The following TPO variants were observed in gnomAD, a reference collection of about 807,000 sequenced individuals.
TPO encodes the protein thyroid peroxidase.
Under a neutral mutation model 96.9 loss-of-function variants are expected in TPO, and 78 were observed. That is an observed-to-expected ratio of 0.81 (90% confidence interval 0.67 to 0.97). The LOEUF (loss-of-function observed/expected upper bound fraction) is 0.97. Ranked by LOEUF, TPO falls within the 50% of genes least tolerant of loss-of-function variation. The pLI, the probability that TPO is intolerant of heterozygous loss-of-function variation, is 0.00. For missense variants in TPO, 1,252 were observed against 1,274.8 expected, an observed-to-expected ratio of 0.98 and a Z score of 0.27; for synonymous variants, 547 against 538.0, an observed-to-expected ratio of 1.02 and a Z score of -0.23.
chr2:1,539,705 G>A (rs1680498857), intron 15 of TPO, among the ~76,000 whole-genome samples: 1 of 152,120 alleles, frequency 6.6e-6, no homozygotes, highest in South Asian at 2.1e-4. Context: ...ATTGTCTAAC[G>A]TTGCCGCGTT....
chr2:1,423,295 T>C (rs1663976845), intron 3 of TPO, among the ~76,000 whole-genome samples, 166 bp downstream of exon 3: 1 of 152,186 alleles, frequency 6.6e-6, no homozygotes, highest in South Asian at 2.1e-4. Flanking sequence ...ACAGAACTGG[T>C]ATTTAATCTC....
chr2:1,530,289 CCAGTGTGAGCAACCTCCTAAAATCCCCA>C (rs1677790257), intron 15 of TPO, among the ~76,000 whole-genome samples: 7 of 38,726 alleles, frequency 1.8e-4, no homozygotes, highest in African/African-American at 6.4e-4. Context: ...AAATCCCCCG[CCAGTGTGAGCAACCTCCTAAAATCCCCA>C]CACTGTGAGA....
At chr2:1,375,415 T>C (rs1214783531) in intron 1 of TPO, among the ~76,000 whole-genome samples, 2 of 152,036 alleles carry the variant, frequency 1.3e-5, no homozygotes, top group Non-Finnish European at 1.5e-5. Flanking sequence ...CAAGTCCCAG[T>C]GGGACCTGTG....
At chr2:1,512,091 T>G (rs950417323) in intron 14 of TPO, among the ~76,000 whole-genome samples, 5 of 152,204 alleles carry the variant, frequency 3.3e-5, no homozygotes, top group African/African-American at 4.8e-5. Flanking sequence ...TGGAGTGCAG[T>G]GGCGCGATCT....
Position 1,422,344 on chromosome 2 carries a change from C to CGACCTCGTGCAGGCGCCGCGCTGGACA in TPO, c.95-675_95-674insAGACCTCGTGCAGGCGCCGCGCTGGAC, listed in dbSNP as rs1663733153. The stretch of plus-strand genomic sequence containing the variant: ...CCTCGTGCAGGCGCCTCTCCTGGAC[C>CGACCTCGTGCAGGCGCCGCGCTGGACA]GACCTCGTGCAGGCGCCGCGCTGGA... On this transcript the variant is annotated intron_variant, in intron 2 of 16. Transcript: ENST00000329066. 2.8e-4 allele frequency among the ~76,000 whole-genome samples: 22 copies of CGACCTCGTGCAGGCGCCGCGCTGGACA among 77,618 alleles called. 1 individual carries two copies. The highest frequency in any genetic ancestry group is 3.3e-4 in the East Asian group (1 of 3,052). 50.9% of individuals were successfully genotyped at this position (77,618 alleles called of 152,430 possible). A position where few individuals can be genotyped will look rare whatever the true frequency, so the allele number is the denominator to read the frequency against.
At chr2:1,481,279 C>T (rs1670616103) in intron 8 of TPO, among the ~76,000 whole-genome samples, 1 of 152,136 alleles carries the variant, frequency 6.6e-6, no homozygotes, top group Non-Finnish European at 1.5e-5. Flanking sequence ...GAAAGGAAAC[C>T]CTTCCCAGCA....
chr2:1,427,446 G>A (rs1166561458), intron 3 of TPO, among the ~76,000 whole-genome samples: 1 of 152,224 alleles, frequency 6.6e-6, no homozygotes, highest in Non-Finnish European at 1.5e-5. Context: ...CTGGCCAGGT[G>A]TGGCTGGTAG....
rs1671710225 is a variant in TPO, at chr2:1,490,839, T to A, written c.1768+2848T>A. The stretch of plus-strand genomic sequence containing the variant: ...CACTACGCCCTGAAATCTTTTGTTG[T>A]ACTTTACGGGGAATATAAAATGTAC... On this transcript the variant is annotated intron_variant, in intron 10 of 16. Transcript: ENST00000329066. Among the ~76,000 whole-genome samples the A allele has an allele frequency of 2.0e-5, 3 of 152,224 alleles. No individual in the cohort carries two copies. The South Asian group carries it at 6.2e-4, about 31-fold the overall frequency.
chr2:1,523,387 C>T (rs1312435007), intron 15 of TPO, among the ~76,000 whole-genome samples: 1 of 140,514 alleles, frequency 7.1e-6, no homozygotes, highest in African/African-American at 2.7e-5. Context: ...CAAATACCTC[C>T]CATTGTGTGC....
intron 16 of TPO, chr2:1,542,144 G>A: frequency 1.8e-6 from 1 of 565,484 alleles, no homozygotes; most frequent in East Asian, 3.0e-5. Flanking sequence ...GCTCAGCACG[G>A]CTTCTTCCTG....
intron 5 of TPO, chr2:1,438,796 TGCAA>T: frequency 1.5e-6 from 1 of 669,498 alleles, no homozygotes; most frequent in Admixed American, 2.5e-5. Context: ...TTTTTTTTTT[TGCAA>T]ATGCCTGGAT....
chr2:1,383,127 G>T (rs1010134531), intron 1 of TPO, among the ~76,000 whole-genome samples: 7 of 152,154 alleles, frequency 4.6e-5, no homozygotes, highest in African/African-American at 1.7e-4. Flanking sequence ...GTCTATCATT[G>T]TTGGACATTA....
Position 1,484,609 on chromosome 2 carries a change from G to A in TPO, c.1352G>A (p.Arg451Lys), listed in dbSNP as rs767821743. ...CTATCTGCACAGATCATCACCCTGA[G>A]GGATTACATCCCCAGGATCCTGGGA... ...VGALHQIITL[R>K]DYIPRILGPE... Residue 451 changes from arginine to lysine, a missense_variant, in exon 9 of 17, where the codon AGG becomes AAG. Arg to Lys is a conservative substitution (Grantham distance 26). Coordinates refer to ENST00000329066, the MANE Select transcript of TPO (RefSeq NM_001206744.2). The A allele has an allele frequency of 5.2e-5, 84 of 1,613,996 alleles. No homozygotes were observed. The highest frequency in any genetic ancestry group is 6.8e-5 in the Non-Finnish European group (80 of 1,180,044).
intron 16 of TPO, 121 bp downstream of exon 16, chr2:1,540,844 C>CATTCT: frequency 6.3e-7 from 1 of 1,575,286 alleles, no homozygotes; most frequent in Non-Finnish European, 8.6e-7. Flanking sequence ...TTTCCTAGTC[C>CATTCT]GTTCTGCACC....
At position 1,532,351 on chromosome 2, in the gene TPO, C is replaced by T. The variant is rs1421676143; in HGVS notation, c.2619-8243C>T. On this transcript the variant is annotated intron_variant, in intron 15 of 16. Coordinates refer to ENST00000329066, the MANE Select transcript of TPO (RefSeq NM_001206744.2). ...CCTCCTCTAATCCCCTGTGTGCAAC[C>T]TCCACAAATACCCCCCACAGTGCGC... 2.3e-5 allele frequency among the ~76,000 whole-genome samples: 2 copies of T among 86,268 alleles called. 1 individual carries two copies. Among genetic ancestry groups the T allele is most frequent in the African/African-American group, 9.1e-5 (2 of 22,012 alleles). The allele number at this position is 86,268 out of a possible 152,430, so 56.6% of individuals were successfully genotyped here. A position where few individuals can be genotyped will look rare whatever the true frequency, so the allele number is the denominator to read the frequency against.
intron 1 of TPO, 168 bp downstream of exon 1, chr2:1,413,713 C>T (rs946319599): frequency 1.7e-5 from 17 of 985,170 alleles, no homozygotes; most frequent in Non-Finnish European, 1.9e-5. Flanking sequence ...CAATGACCTC[C>T]GCTGGAACAT....
chr2:1,515,544 A>G (rs536239376), intron 14 of TPO, among the ~76,000 whole-genome samples: 3 of 152,142 alleles, frequency 2.0e-5, no homozygotes, highest in Non-Finnish European at 2.9e-5. Flanking sequence ...TATCCAACAA[A>G]TGCTTGCTGA....
intron 10 of TPO, among the ~76,000 whole-genome samples, chr2:1,488,768 C>T (rs1259709541): frequency 1.3e-5 from 2 of 152,196 alleles, no homozygotes; most frequent in South Asian, 2.1e-4. Flanking sequence ...CAAGTCCTGC[C>T]CTGCCCCGTC....
At position 1,512,735 on chromosome 2, in the gene TPO, C is replaced by T. The variant is rs138982588; in HGVS notation, c.2519-4148C>T. Among the ~76,000 whole-genome samples the T allele has an allele frequency of 3.1e-3, 479 of 152,260 alleles. 4 individuals are homozygous for T. The highest frequency in any genetic ancestry group is 0.011 in the African/African-American group (457 of 41,554). On this transcript the variant is annotated intron_variant, in intron 14 of 16. Coordinates refer to ENST00000329066, the MANE Select transcript of TPO (RefSeq NM_001206744.2). The stretch of plus-strand genomic sequence containing the variant: ...GCACTGGGCCAGGCCGCCGGTGGAG[C>T]CTGATGGTGGACGATGGTGGACAGT...
Sources: gnomAD v4.1 joint callset for allele counts (sites outside exome capture counted in the v4.1 genomes callset) on GRCh38, gnomAD v4.1.1 for gene constraint, MANE v1.5 for transcripts, NCBI Gene and HGNC (gene_info 2026-07-23, HGNC 2026-07-21) for gene names.